Variants in CNTN4 observed in about 807,000 individuals in gnomAD.
CNTN4 encodes the protein contactin 4.
Under a neutral mutation model 122.5 loss-of-function variants are expected in CNTN4, and 77 were observed. The ratio of observed to expected loss-of-function variants is 0.63; its 90% CI spans 0.52 to 0.76. The LOEUF is 0.76. Among genes scored for constraint, CNTN4 ranks in the 30% least tolerant of loss-of-function variants. The pLI, the probability that CNTN4 is intolerant of heterozygous loss-of-function variation, is 0.00. For missense variants in CNTN4, 1,256 were observed against 1,259.1 expected (o/e 1.00, Z 0.04); for synonymous variants, 512 against 447.0 (o/e 1.15, Z -1.83).
intron 4 of CNTN4, among the ~76,000 whole-genome samples, chr3:2,585,452 G>A (rs150159704): frequency 0.02 from 3,085 of 151,896 alleles, 166 homozygotes; most frequent in East Asian, 0.18. Context: ...ATGTCCATCA[G>A]TGATAGACTG....
At chr3:2,759,316 C>T (rs529204714) in intron 6 of CNTN4, among the ~76,000 whole-genome samples, 10 of 152,086 alleles carry the variant, frequency 6.6e-5, no homozygotes, top group East Asian at 5.8e-4. Context: ...CCACCACGCC[C>T]GGCTAATTTT....
intron 3 of CNTN4, among the ~76,000 whole-genome samples, chr3:2,365,816 T>C (rs533610863): frequency 3.3e-5 from 5 of 152,218 alleles, no homozygotes; most frequent in Non-Finnish European, 7.3e-5. Context: ...CCTATTTCAA[T>C]GCTAGGAAAA....
At chr3:2,999,836 T>A (rs1695868536) in intron 14 of CNTN4, among the ~76,000 whole-genome samples, 1 of 152,212 alleles carries the variant, frequency 6.6e-6, no homozygotes, top group African/African-American at 2.4e-5. Flanking sequence ...GGGATTTATG[T>A]CAATGGGGGA....
chr3:2,149,885 A>G (rs1262121025), intron 2 of CNTN4, among the ~76,000 whole-genome samples: 1 of 151,914 alleles, frequency 6.6e-6, no homozygotes, highest in East Asian at 1.9e-4. Flanking sequence ...GGCCTGACCA[A>G]TGCTGGTGAA....
At chr3:2,574,177 C>T (rs1001361762) in intron 4 of CNTN4, among the ~76,000 whole-genome samples, 1 of 152,206 alleles carries the variant, frequency 6.6e-6, no homozygotes, top group Non-Finnish European at 1.5e-5. Context: ...GATCACGCCA[C>T]TGCACTCCAG....
chr3:2,766,023 C>T (rs933970691), intron 6 of CNTN4, among the ~76,000 whole-genome samples: 9 of 152,102 alleles, frequency 5.9e-5, no homozygotes, highest in Non-Finnish European at 1.3e-4. Context: ...CCAAATGAAT[C>T]CTACTTTATG....
intron 2 of CNTN4, among the ~76,000 whole-genome samples, chr3:2,120,046 A>G (rs2033617274): frequency 2.0e-5 from 3 of 151,932 alleles, no homozygotes; most frequent in Admixed American, 2.0e-4. Flanking sequence ...CAGGGAAGAA[A>G]GTTCCAGGCA....
intron 4 of CNTN4, among the ~76,000 whole-genome samples, chr3:2,684,402 A>T (rs2085326458): frequency 6.6e-6 from 1 of 152,088 alleles, no homozygotes; most frequent in Non-Finnish European, 1.5e-5. Flanking sequence ...AACAAAAAAA[A>T]GGAGAAATTA....
chr3:2,136,507 C>G (rs1212175183), intron 2 of CNTN4, among the ~76,000 whole-genome samples: 2 of 152,084 alleles, frequency 1.3e-5, no homozygotes, highest in Non-Finnish European at 2.9e-5. Flanking sequence ...TGGTGATATT[C>G]TTCCATTCTT....
intron 3 of CNTN4, among the ~76,000 whole-genome samples, chr3:2,378,162 T>C (rs1171457330): frequency 2.0e-5 from 3 of 152,208 alleles, no homozygotes; most frequent in Non-Finnish European, 1.5e-5. Flanking sequence ...CCAACATACA[T>C]TGGCTCAACA....
At chr3:2,248,299 C>A (rs2040233379) in intron 2 of CNTN4, among the ~76,000 whole-genome samples, 1 of 151,906 alleles carries the variant, frequency 6.6e-6, no homozygotes, top group East Asian at 1.9e-4. Context: ...AACCAAATTG[C>A]TTTGGTTTGT....
At chr3:2,425,872 T>C (rs1345606768) in intron 3 of CNTN4, among the ~76,000 whole-genome samples, 1 of 152,164 alleles carries the variant, frequency 6.6e-6, no homozygotes, top group Non-Finnish European at 1.5e-5. Context: ...TCTGTTTGTC[T>C]CTTATTGGTG....
At chr3:2,384,401 A>G (rs2046157112) in intron 3 of CNTN4, among the ~76,000 whole-genome samples, 1 of 152,142 alleles carries the variant, frequency 6.6e-6, no homozygotes, top group Non-Finnish European at 1.5e-5. Context: ...TCGCCTAATT[A>G]CTCGCAGCAC....
At chr3:2,128,034 G>A (rs927885891) in intron 2 of CNTN4, among the ~76,000 whole-genome samples, 1 of 152,204 alleles carries the variant, frequency 6.6e-6, no homozygotes, top group Admixed American at 6.5e-5. Flanking sequence ...CAAACTGCAG[G>A]CTTTTGCAGA....
Position 2,901,823 on chromosome 3 carries a change from A to G in CNTN4, c.1077+1002A>G, listed in dbSNP as rs567415801. Among the ~76,000 whole-genome samples, 4 of 152,238 alleles carry G rather than the reference A, an allele frequency of 2.6e-5. No individual in the cohort carries two copies. In the East Asian group the frequency reaches 7.7e-4, roughly 29 times the overall value. Reference sequence around the variant, plus strand: ...GGGAAGGGATGCAGCTGTGTGCAGGAAGGAATTAGGTGGGGGTACAGAGGC... The same window carrying G: ...GGGAAGGGATGCAGCTGTGTGCAGGGAGGAATTAGGTGGGGGTACAGAGGC... On this transcript the variant is annotated intron_variant, in intron 11 of 24. Transcript: ENST00000418658.
intron 2 of CNTN4, among the ~76,000 whole-genome samples, chr3:2,172,169 A>G (rs1461555267): frequency 1.3e-5 from 2 of 152,204 alleles, no homozygotes; most frequent in African/African-American, 4.8e-5. Flanking sequence ...TGCAAACCAA[A>G]GAGTGGATAA....
At chr3:2,563,678 T>G (rs2079046142) in intron 3 of CNTN4, among the ~76,000 whole-genome samples, 1 of 152,188 alleles carries the variant, frequency 6.6e-6, no homozygotes, top group African/African-American at 2.4e-5. Flanking sequence ...TCTTCTGTGT[T>G]TAACTAAACA....
In CNTN4 at chr3:2,917,129, G is replaced by A. The variant is rs1360796506; in HGVS notation, c.1208-8500G>A. On this transcript the variant is annotated intron_variant, in intron 12 of 24. Coordinates refer to ENST00000418658, the MANE Select transcript of CNTN4 (RefSeq NM_175607.3). ...AGCCCGGCCAACACGGCGAAACCCCGTCTCCACCAAAAAATATAAAAACCA... is the reference window on the plus strand; with the variant it reads ...AGCCCGGCCAACACGGCGAAACCCCATCTCCACCAAAAAATATAAAAACCA... Among the ~76,000 whole-genome samples the A allele has an allele frequency of 2.8e-5, 4 of 143,222 alleles. 1 individual carries two copies. Among genetic ancestry groups the A allele is most frequent in the African/African-American group, 1.1e-4 (4 of 36,916 alleles). The allele number at this position is 143,222 out of a possible 152,430, so 94.0% of individuals were successfully genotyped here.
intron 13 of CNTN4, among the ~76,000 whole-genome samples, chr3:2,956,396 T>C (rs2094799668): frequency 6.6e-6 from 1 of 152,094 alleles, no homozygotes; most frequent in African/African-American, 2.4e-5. Flanking sequence ...CTGTACTTAA[T>C]GCCACTGAAT....
Sources: allele counts gnomAD v4.1 joint callset (sites outside exome capture counted in the v4.1 genomes callset), GRCh38; gene constraint gnomAD v4.1.1; transcripts MANE v1.5; gene names NCBI Gene and HGNC (gene_info 2026-07-23, HGNC 2026-07-21).